Variants in DNAH11 observed in about 807,000 individuals in gnomAD.
The protein encoded by DNAH11 is dynein axonemal heavy chain 11.
A neutral mutation model predicts 526.0 loss-of-function variants in DNAH11; 442 were observed. That is an observed-to-expected ratio of 0.84 (90% CI 0.78 to 0.91). The LOEUF (loss-of-function observed/expected upper bound fraction) is 0.91. DNAH11 is among the 40% of genes least tolerant of loss of function. DNAH11 has a pLI of 0.00. For missense variants in DNAH11, 6,989 were observed against 5,448.7 expected, an observed-to-expected ratio of 1.28 and a Z score of -8.90; for synonymous variants, 2,461 against 1,935.9, an observed-to-expected ratio of 1.27 and a Z score of -7.12.
intron 32 of DNAH11, among the ~76,000 whole-genome samples, chr7:21,685,448 T>C: frequency 6.6e-6 from 1 of 152,244 alleles, no homozygotes. Context: ...TTCATTTTGA[T>C]AGTGTGAATT....
At chr7:21,820,410 ATTACCTTT>A in intron 65 of DNAH11, among the ~76,000 whole-genome samples, 1 of 152,212 alleles carries the variant, frequency 6.6e-6, no homozygotes, top group African/African-American at 2.4e-5. Context: ...CTTGGAAAAA[ATTACCTTT>A]GATTACATTT....
chr7:21,779,350 A>G (rs1352422302), intron 57 of DNAH11, among the ~76,000 whole-genome samples: 2 of 152,222 alleles, frequency 1.3e-5, no homozygotes, highest in Non-Finnish European at 2.9e-5. Flanking sequence ...TCATTCAAGC[A>G]TATAATGGAT....
chr7:21,867,059 C>T (rs10485986), intron 71 of DNAH11, among the ~76,000 whole-genome samples: 48,109 of 152,092 alleles, frequency 0.32, 9,506 homozygotes, highest in Non-Finnish European at 0.44. Flanking sequence ...AACAAAAATG[C>T]ATTCCTTTCA....
At chr7:21,697,995 C>G (rs771782186) in intron 35 of DNAH11, 80 bp from the exon 36 acceptor site, 20 of 1,420,996 alleles carry the variant, frequency 1.4e-5, no homozygotes, top group Non-Finnish European at 1.9e-5. Flanking sequence ...AATGTTGGTA[C>G]GAAATAACCA....
intron 71 of DNAH11, among the ~76,000 whole-genome samples, chr7:21,867,348 G>C (rs1017994072): frequency 2.0e-5 from 3 of 152,144 alleles, no homozygotes; most frequent in Admixed American, 6.5e-5. Context: ...AGAAACCTCT[G>C]CTGAACTCTA....
chr7:21,760,955 A>T (rs1786872365), intron 54 of DNAH11, among the ~76,000 whole-genome samples: 2 of 152,284 alleles, frequency 1.3e-5, no homozygotes, highest in South Asian at 4.1e-4. Flanking sequence ...TTTTGTTTTT[A>T]TTTCTTATAA....
intron 25 of DNAH11, among the ~76,000 whole-genome samples, chr7:21,632,983 G>A (rs1275233221): frequency 6.6e-6 from 1 of 152,182 alleles, no homozygotes; most frequent in Non-Finnish European, 1.5e-5. Context: ...ATGTGGCTGG[G>A]GAGGCCTCAC....
intron 5 of DNAH11, among the ~76,000 whole-genome samples, chr7:21,562,144 C>G (rs1783486184): frequency 6.6e-6 from 1 of 152,190 alleles, no homozygotes. Context: ...TAACACCTTC[C>G]TTGAAGAGTT....
At chr7:21,741,825 G>A (rs141729796) in intron 48 of DNAH11, 102 bp from the exon 49 acceptor site, 47 of 1,333,584 alleles carry the variant, frequency 3.5e-5, no homozygotes, top group Non-Finnish European at 4.6e-5. Context: ...AAGCTACATG[G>A]TAATGGGCCT....
chr7:21,789,826 TTC>T (rs1391016252), intron 61 of DNAH11, among the ~76,000 whole-genome samples: 1 of 145,300 alleles, frequency 6.9e-6, no homozygotes, highest in African/African-American at 2.6e-5. Flanking sequence ...CTTTCTTTCT[TTC>T]TTTCTTTCTT....
At chr7:21,616,133 C>T in intron 21 of DNAH11, 76 bp from the exon 22 acceptor site, 1 of 1,040,526 alleles carries the variant, frequency 9.6e-7, no homozygotes, top group African/African-American at 1.6e-5. Context: ...AGTGTATCAT[C>T]AGTTTATATA....
intron 22 of DNAH11, among the ~76,000 whole-genome samples, 198 bp downstream of exon 22, chr7:21,616,490 A>T (rs1232754577): frequency 1.3e-5 from 2 of 152,008 alleles, no homozygotes; most frequent in African/African-American, 4.8e-5. Context: ...GAGTTGATAG[A>T]AGCATATTAG....
intron 61 of DNAH11, among the ~76,000 whole-genome samples, chr7:21,793,770 G>A (rs1356176445): frequency 1.3e-5 from 2 of 152,230 alleles, no homozygotes; most frequent in African/African-American, 2.4e-5. Context: ...AGCGTAGGGT[G>A]TTGAAGTCCC....
intron 65 of DNAH11, among the ~76,000 whole-genome samples, chr7:21,842,324 T>C (rs1344971941): frequency 1.3e-5 from 2 of 152,238 alleles, no homozygotes; most frequent in Non-Finnish European, 2.9e-5. Context: ...AGTACTATTA[T>C]TGTCAATATT....
At chr7:21,793,552 G>T (rs976693417) in intron 61 of DNAH11, among the ~76,000 whole-genome samples, 1 of 151,476 alleles carries the variant, frequency 6.6e-6, no homozygotes, top group African/African-American at 2.4e-5. Flanking sequence ...GGAGGTGAAG[G>T]CTGCAGGGAG....
At chr7:21,842,499 TG>T (rs1489764217) in intron 65 of DNAH11, 44 bp from the exon 66 acceptor site, 1 of 1,507,334 alleles carries the variant, frequency 6.6e-7, no homozygotes, top group Non-Finnish European at 9.1e-7. Flanking sequence ...GTATCAGTTA[TG>T]GGTCATAGGA....
intron 28 of DNAH11, among the ~76,000 whole-genome samples, chr7:21,645,284 C>A (rs1256795079): frequency 6.6e-6 from 1 of 152,134 alleles, no homozygotes; most frequent in Admixed American, 6.5e-5. Flanking sequence ...GGTAGAGCTT[C>A]CAGCTATAAC....
intron 9 of DNAH11, among the ~76,000 whole-genome samples, chr7:21,586,936 C>A (rs1364494491): frequency 6.6e-6 from 1 of 152,214 alleles, no homozygotes; most frequent in African/African-American, 2.4e-5. Flanking sequence ...GGTTTCAAAT[C>A]CCAGCTCCGC....
chr7:21,870,553 A>G (rs1420672624), intron 73 of DNAH11, among the ~76,000 whole-genome samples: 1 of 152,328 alleles, frequency 6.6e-6, no homozygotes, highest in African/African-American at 2.4e-5. Context: ...TGTCTCAGAA[A>G]GGAAAGAGCT....
Sources: gnomAD v4.1 joint callset for allele counts (sites outside exome capture counted in the v4.1 genomes callset) on GRCh38, gnomAD v4.1.1 for gene constraint, MANE v1.5 for transcripts, NCBI Gene and HGNC (gene_info 2026-07-23, HGNC 2026-07-21) for gene names.